The following TOP3B variants were observed in gnomAD, a reference collection of about 807,000 sequenced individuals.
TOP3B encodes the protein DNA topoisomerase III beta.
In TOP3B, 45 loss-of-function variants were observed where a neutral mutation model predicts 93.9. That is an observed-to-expected ratio of 0.48 (90% CI 0.38 to 0.61). TOP3B has a LOEUF of 0.61. Among genes scored for constraint, TOP3B ranks in the 20% least tolerant of loss-of-function variants. TOP3B has a pLI of 0.00. For missense variants in TOP3B, 750 were observed against 1,156.1 expected (o/e 0.65, Z 5.09); for synonymous variants, 357 against 472.6 (o/e 0.76, Z 3.17).
chr22:21,981,292 CAG>C (rs1287195957), intron 1 of TOP3B, among the ~76,000 whole-genome samples: 1 of 152,142 alleles, frequency 6.6e-6, no homozygotes, highest in African/African-American at 2.4e-5. Flanking sequence ...ACTGTGGGGT[CAG>C]AGAGACCAGA....
At chr22:21,966,144 T>C (rs1023382729) in intron 8 of TOP3B, 2 of 152,074 alleles carry the variant, frequency 1.3e-5, no homozygotes, top group African/African-American at 2.4e-5. Flanking sequence ...CAAGTAATCC[T>C]CTCGCCTCAG....
At chr22:21,957,832 G>A in intron 17 of TOP3B, 1 of 1,532,406 alleles carries the variant, frequency 6.5e-7, no homozygotes, top group Non-Finnish European at 8.7e-7. Flanking sequence ...CATCCCAGTG[G>A]GTTTCAGCTG....
Position 21,965,298 on chromosome 22 carries a change from G to A in TOP3B, c.930C>T (p.Ala310=). The A allele has an allele frequency of 6.3e-7, 1 of 1,597,450 alleles. No individual in the cohort carries two copies. The highest frequency in any genetic ancestry group is 8.5e-7 in the Non-Finnish European group (1 of 1,171,258). Residue 310 remains alanine (A), a synonymous_variant, in exon 9 of 18, where the codon GCC becomes GCT. Coordinates refer to ENST00000357179, the MANE Select transcript of TOP3B (RefSeq NM_001282112.2). ...ALNTVEMLRV[A]SSSLGMGPQH... is the part of the protein sequence containing the mutation. ...GTCCCTACATACCCAGAGAAGAGCT[G>A]GCCACACGCAGCATCTCCACAGTGT...
In TOP3B at chr22:21,968,730, G is replaced by A. The variant is rs1417773864; in HGVS notation, c.627C>T (p.Ser209=). ...YFQGKYGDLD[S]SLISFGPCQT... is the part of the protein sequence containing the mutation. ...GACACGGCCCAAAGGAGATGAGAGA[G>A]CTGTCTAAATCACCGTATTTCCCCT... Residue 209 remains serine (S), a synonymous_variant, in exon 7 of 18, where the codon AGC becomes AGT. Coordinates refer to ENST00000357179, the MANE Select transcript of TOP3B (RefSeq NM_001282112.2). 1 of 1,614,188 alleles carries A rather than the reference G, an allele frequency of 6.2e-7. No homozygotes were observed. Among genetic ancestry groups the A allele is most frequent in the Non-Finnish European group, 8.5e-7 (1 of 1,180,030 alleles).
At chr22:21,972,292 C>A in intron 4 of TOP3B, 1 of 456,076 alleles carries the variant, frequency 2.2e-6, no homozygotes, top group Non-Finnish European at 3.9e-6. Context: ...TTCTGTCTTT[C>A]TACTTATCTG....
chr22:21,963,867 T>C lies in TOP3B; in HGVS notation c.1204+56A>G. 1 of 1,579,426 alleles carries C rather than the reference T, an allele frequency of 6.3e-7. No homozygotes were observed. Among genetic ancestry groups the C allele is most frequent in the Non-Finnish European group, 8.7e-7 (1 of 1,152,564 alleles). On this transcript the variant is annotated intron_variant, in intron 11 of 17. Coordinates refer to ENST00000357179, the MANE Select transcript of TOP3B (RefSeq NM_001282112.2). The surrounding 1 kb of genome is among the most constrained non-coding windows in gnomAD (Gnocchi z 4.8). ...CCAACAGGGCCTGCAACCTTCACTGTCGCAGCTCGCCCTTCCCTCCCTGGA... is the reference window on the plus strand; with the variant it reads ...CCAACAGGGCCTGCAACCTTCACTGCCGCAGCTCGCCCTTCCCTCCCTGGA...
intron 17 of TOP3B, chr22:21,958,201 G>A: frequency 2.3e-6 from 3 of 1,304,770 alleles, no homozygotes; most frequent in South Asian, 3.0e-5. Context: ...TCCCCCGACT[G>A]CTGCATCCTC....
Position 21,975,654 on chromosome 22 carries a change from T to C in TOP3B, c.56A>G (p.Lys19Arg). ...EKPSLAQSIAKILSRGSLSSH... is the reference protein window; with the variant it reads ...EKPSLAQSIARILSRGSLSSH... ...GTCTCTCCTACCTCTAGAGAGGATTTTGGCAATTGACTGTGCCAAGGACGG... is the reference window on the plus strand; with the variant it reads ...GTCTCTCCTACCTCTAGAGAGGATTCTGGCAATTGACTGTGCCAAGGACGG... Residue 19 changes from lysine to arginine, a missense_variant, in exon 2 of 18, where the codon AAA becomes AGA. Lys to Arg is a conservative substitution (Grantham distance 26). Around this residue, in one of 4 missense-constraint regions of TOP3B, gnomAD observed 737 missense variants for 933.7 expected, o/e 0.79. Coordinates refer to ENST00000357179, the MANE Select transcript of TOP3B (RefSeq NM_001282112.2). 1.2e-6 allele frequency: 2 copies of C among 1,611,820 alleles called. No homozygotes were observed. Among genetic ancestry groups the C allele is most frequent in the African/African-American group, 1.3e-5 (1 of 75,016 alleles).
At position 21,962,776 on chromosome 22, in the gene TOP3B, G is replaced by T; in HGVS notation, c.1322C>A (p.Thr441Asn). 1 of 1,614,172 alleles carries T rather than the reference G, an allele frequency of 6.2e-7. No homozygotes were observed. Among genetic ancestry groups the T allele is most frequent in the African/African-American group, 1.3e-5 (1 of 75,056 alleles). Reference protein sequence around the residue: ...ISFRIGPELFTCSGKTVLSPG... With the variant: ...ISFRIGPELFNCSGKTVLSPG... Reference sequence around the variant, plus strand: ...TGAGAGGACGGTCTTCCCGGAGCAGGTGAAGAGCTCGGGCCCAATTCTGAA... The same window carrying T: ...TGAGAGGACGGTCTTCCCGGAGCAGTTGAAGAGCTCGGGCCCAATTCTGAA... Residue 441 changes from threonine (T) to asparagine (N), a missense_variant, in exon 12 of 18, where the codon ACC becomes AAC. By Grantham distance (65) the Thr-to-Asn change is moderately conservative. Around this residue, in one of 4 missense-constraint regions of TOP3B, gnomAD observed 737 missense variants for 933.7 expected, o/e 0.79. Transcript: ENST00000357179.
rs921113072 is a variant in TOP3B, at chr22:21,962,595, C to T, written c.1359G>A (p.Thr453=). The part of the protein sequence containing the change: ...SGKTVLSPGF[T]EVMPWQSVPL... ...GCACGCTCTGCCAGGGCATGACCTC[C>T]GTGAAGCCTGGAGAGATATGCGCCG... The change falls in exon 13 of 18, where the codon ACG becomes ACA. Residue 453 remains threonine, a synonymous_variant. Transcript: ENST00000357179. The T allele has an allele frequency of 6.2e-6, 10 of 1,612,954 alleles. No homozygotes were observed. The highest frequency in any genetic ancestry group is 3.3e-5 in the Admixed American group (2 of 60,002).
In TOP3B at chr22:21,960,258, C is replaced by T. The variant is rs1245978658; in HGVS notation, c.1654+63G>A. 5.6e-6 allele frequency: 9 copies of T among 1,608,466 alleles called. No homozygotes were observed. The Admixed American group carries it at 6.7e-5, about 12-fold the overall frequency. ...GGCCTGTCTGGAGCGGGCAGCAGAG[C>T]CAACATCCAGGGAGAAGCCAGGGAG... is the stretch of plus-strand genomic sequence containing the variant. On this transcript the variant is annotated intron_variant, in intron 14 of 17. Coordinates refer to ENST00000357179, the MANE Select transcript of TOP3B (RefSeq NM_001282112.2).
chr22:21,975,803 G>A lies in TOP3B; in HGVS notation c.-94C>T. The stretch of plus-strand genomic sequence containing the variant: ...GCAGCACAGCACTATTACCAATGCT[G>A]ACTCCTAAAGAGAAGAAAAGACACT... On this transcript the variant is annotated 5_prime_UTR_variant, in exon 2 of 18. Transcript: ENST00000357179. 1 of 1,419,436 alleles carries A rather than the reference G, an allele frequency of 7.0e-7. No homozygotes were observed. Among genetic ancestry groups the A allele is most frequent in the Non-Finnish European group, 9.3e-7 (1 of 1,075,468 alleles). The allele number at this position is 1,419,436 out of a possible 1,614,324, so 87.9% of individuals were successfully genotyped here.
At chr22:21,976,205 C>G (rs1453451130) in intron 1 of TOP3B, 2 of 152,660 alleles carry the variant, frequency 1.3e-5, no homozygotes, top group East Asian at 1.9e-4. Context: ...GAGGAACTAT[C>G]GTGGCCGAGA....
chr22:21,980,088 G>A (rs1320270801), intron 1 of TOP3B, among the ~76,000 whole-genome samples: 1 of 152,160 alleles, frequency 6.6e-6, no homozygotes, highest in Non-Finnish European at 1.5e-5. Flanking sequence ...ATGTAACGGT[G>A]TGTAGAGAGC....
chr22:21,980,194 C>A (rs1385871003), intron 1 of TOP3B, among the ~76,000 whole-genome samples: 1 of 152,164 alleles, frequency 6.6e-6, no homozygotes, highest in African/African-American at 2.4e-5. Context: ...ACAGTCCAAG[C>A]AATCACCTGG....
At chr22:21,978,801 A>T (rs910710673) in intron 1 of TOP3B, among the ~76,000 whole-genome samples, 1 of 152,140 alleles carries the variant, frequency 6.6e-6, no homozygotes, top group Non-Finnish European at 1.5e-5. Context: ...AGCTCAACAA[A>T]ACCTGGGAGA....
At chr22:21,975,048 GT>G (rs1222230434) in intron 2 of TOP3B, 1 of 152,774 alleles carries the variant, frequency 6.5e-6, no homozygotes, top group African/African-American at 2.4e-5. Context: ...GTAGGTGCCT[GT>G]CATTTCTGGG....
intron 1 of TOP3B, among the ~76,000 whole-genome samples, chr22:21,979,136 T>G (rs2084560341): frequency 1.3e-5 from 2 of 149,530 alleles, no homozygotes; most frequent in African/African-American, 5.0e-5. Flanking sequence ...GATGGGAGAG[T>G]CCAGGTGAGT....
intron 14 of TOP3B, chr22:21,959,941 ATG>A: frequency 4.2e-6 from 3 of 715,350 alleles, no homozygotes; most frequent in Non-Finnish European, 6.7e-6. Flanking sequence ...CCACCTGGAA[ATG>A]TCAGGCAGAG....
Sources: allele counts gnomAD v4.1 joint callset (sites outside exome capture counted in the v4.1 genomes callset), GRCh38; gene constraint gnomAD v4.1.1; regional missense constraint gnomAD v4.1.1; non-coding constraint Gnocchi (gnomAD v3.1); transcripts MANE v1.5; gene names NCBI Gene and HGNC (gene_info 2026-07-23, HGNC 2026-07-21).